SIRT3: variants seen among roughly 807,000 people sequenced by gnomAD.
SIRT3 encodes the protein sirtuin 3.
A neutral mutation model predicts 33.5 loss-of-function variants in SIRT3; 26 were observed. The ratio of observed to expected loss-of-function variants is 0.78; its 90% CI spans 0.57 to 1.08. The LOEUF (loss-of-function observed/expected upper bound fraction) is 1.08, where lower values mean the gene tolerates loss of function less well. Among genes scored for constraint, SIRT3 ranks in the 50% least tolerant of loss-of-function variants. The probability of loss-of-function intolerance (pLI) is 0.00; values close to 1 mark genes in which losing one functional copy is unlikely to be tolerated. For synonymous variants in SIRT3, 237 were observed against 222.1 expected (o/e 1.07, Z -0.60); for missense variants, 585 against 530.1 (o/e 1.10, Z -1.02).
In SIRT3 at chr11:215,484, A is replaced by G. The variant is rs1590082881; in HGVS notation, c.*1214T>C. The stretch of plus-strand genomic sequence containing the variant: ...ATTCAACAGTTTTCCTAGGTCACCA[A>G]TTCCACCTTTTGTTCTTATTAAGGC... On this transcript the variant is annotated 3_prime_UTR_variant, in exon 7 of 7. Transcript: ENST00000382743. 1 of 152,214 alleles carries G rather than the reference A, an allele frequency of 6.6e-6. No individual in the cohort carries two copies. The highest frequency in any genetic ancestry group is 2.4e-5 in the African/African-American group (1 of 41,458). 9.4% of individuals were successfully genotyped at this position (152,214 alleles called of 1,614,324 possible).
intron 1 of SIRT3, chr11:234,014 G>C (rs1321052215): frequency 6.5e-6 from 1 of 154,202 alleles, no homozygotes; most frequent in Non-Finnish European, 1.4e-5. Flanking sequence ...ACTGTTAAGA[G>C]AAGCACAAAA....
At chr11:229,005 G>C (rs1857531244) in intron 4 of SIRT3, among the ~76,000 whole-genome samples, 1 of 152,220 alleles carries the variant, frequency 6.6e-6, no homozygotes. Context: ...GCCAATCAGT[G>C]CTACAGTGGG....
At chr11:225,692 G>C (rs1433307275) in intron 4 of SIRT3, 2 of 152,370 alleles carry the variant, frequency 1.3e-5, no homozygotes, top group East Asian at 3.9e-4. Flanking sequence ...AGCACAAGAA[G>C]CAGCAATTAC....
At chr11:227,590 C>A (rs1245985367) in intron 4 of SIRT3, among the ~76,000 whole-genome samples, 4 of 152,016 alleles carry the variant, frequency 2.6e-5, no homozygotes, top group African/African-American at 9.7e-5. Context: ...TTAACATCAA[C>A]CTGTTGCCCA....
intron 4 of SIRT3, among the ~76,000 whole-genome samples, chr11:224,657 C>G (rs1216147097): frequency 6.6e-6 from 1 of 152,166 alleles, no homozygotes; most frequent in African/African-American, 2.4e-5. Context: ...AAAGGTGAAA[C>G]TGTCTCTGGT....
Position 219,020 on chromosome 11 carries a change from T to C in SIRT3, c.991A>G (p.Thr331Ala). 6.2e-7 allele frequency: 1 copy of C among 1,613,342 alleles called. No individual in the cohort carries two copies. The highest frequency in any genetic ancestry group is 8.5e-7 in the Non-Finnish European group (1 of 1,179,800). The stretch of plus-strand genomic sequence containing the variant: ...GGAACTGAGCTCCGCACGGCCTCGG[T>C]CAAGCTGGCAAAAGGCTCCACCTGA... ...SLEVEPFASL[T>A]EAVRSSVPRL... Residue 331 changes from threonine (T) to alanine (A), a missense_variant, in exon 6 of 7, where the codon ACC becomes GCC. Physicochemically the swap from Thr to Ala is moderately conservative, Grantham distance 58 (BLOSUM62 0). Coordinates refer to ENST00000382743, the MANE Select transcript of SIRT3 (RefSeq NM_012239.6).
chr11:222,915 G>C (rs1407840678), intron 5 of SIRT3: 2 of 152,266 alleles, frequency 1.3e-5, no homozygotes, highest in Non-Finnish European at 2.9e-5. Flanking sequence ...AACCCTTCTA[G>C]CCTTTCTATC....
At chr11:228,539 C>T (rs1011212674) in intron 4 of SIRT3, among the ~76,000 whole-genome samples, 1 of 152,146 alleles carries the variant, frequency 6.6e-6, no homozygotes. Context: ...ACAAATGGTG[C>T]TGGAACAATT....
chr11:220,940 G>A (rs1209922297), intron 5 of SIRT3, among the ~76,000 whole-genome samples: 1 of 104,344 alleles, frequency 9.6e-6, no homozygotes, highest in Non-Finnish European at 1.9e-5. Flanking sequence ...CCCTTCAGGA[G>A]TACTTGCATG....
chr11:231,971 T>C (rs75003074), intron 3 of SIRT3, among the ~76,000 whole-genome samples: 7 of 151,918 alleles, frequency 4.6e-5, no homozygotes, highest in Admixed American at 3.9e-4. Flanking sequence ...GGCCAGAAGT[T>C]GGCACAACCT....
intron 4 of SIRT3, among the ~76,000 whole-genome samples, chr11:224,542 G>A (rs1407976478): frequency 1.3e-5 from 2 of 152,200 alleles, no homozygotes; most frequent in Non-Finnish European, 2.9e-5. Flanking sequence ...TCCCTGGGAT[G>A]GCAGCCAGAG....
rs1179862113 is a variant in SIRT3, at chr11:226,470, A to G, written c.808-2231T>C. ...GTCACCCAGGCTGGAGTGCAGTGGC[A>G]TGATCTCGGTTCACTACAACTTCTG... On this transcript the variant is annotated intron_variant, in intron 4 of 6. Transcript: ENST00000382743. 2.0e-5 allele frequency among the ~76,000 whole-genome samples: 3 copies of G among 151,340 alleles called. No homozygotes were observed. The East Asian group carries it at 5.9e-4, about 30-fold the overall frequency.
chr11:218,681 G>A (rs1217911716), intron 6 of SIRT3, 151 bp downstream of exon 6: 1 of 1,387,804 alleles, frequency 7.2e-7, no homozygotes. Context: ...GTAACACCCA[G>A]TCAGGTCCAG....
intron 5 of SIRT3, among the ~76,000 whole-genome samples, chr11:219,538 A>G (rs4758633): frequency 0.63 from 95,868 of 151,962 alleles, 31,602 homozygotes; most frequent in African/African-American, 0.83. Context: ...GGTCTTCCCC[A>G]CCCAGCCTCT....
intron 4 of SIRT3, among the ~76,000 whole-genome samples, chr11:227,414 G>C (rs1261943474): frequency 1.3e-5 from 2 of 151,058 alleles, no homozygotes; most frequent in African/African-American, 4.9e-5. Flanking sequence ...CTCCAGCCTG[G>C]GCAACAGAGC....
intron 4 of SIRT3, among the ~76,000 whole-genome samples, chr11:224,533 C>G (rs1856895114): frequency 6.6e-6 from 1 of 152,226 alleles, no homozygotes; most frequent in Non-Finnish European, 1.5e-5. Context: ...CATGCTCTAT[C>G]CCTGGGATGG....
At chr11:233,738 AC>A (rs1858451484) in intron 1 of SIRT3, 1 of 568,662 alleles carries the variant, frequency 1.8e-6, no homozygotes, top group South Asian at 2.3e-5. Context: ...ATCAAGACTT[AC>A]TTGGGAGCAA....
chr11:235,795 G>A (rs948087248), intron 1 of SIRT3, among the ~76,000 whole-genome samples: 1 of 152,168 alleles, frequency 6.6e-6, no homozygotes, highest in African/African-American at 2.4e-5. Flanking sequence ...ACAGTGAGGT[G>A]CCAACAAGGT....
intron 4 of SIRT3, among the ~76,000 whole-genome samples, chr11:228,395 A>G (rs1346883613): frequency 6.6e-6 from 1 of 152,248 alleles, no homozygotes; most frequent in Non-Finnish European, 1.5e-5. Context: ...ACAAAGCTAC[A>G]GTAACCAAAA....
Sources: allele counts gnomAD v4.1 joint callset (sites outside exome capture counted in the v4.1 genomes callset), GRCh38; gene constraint gnomAD v4.1.1; transcripts MANE v1.5; gene names NCBI Gene and HGNC (gene_info 2026-07-23, HGNC 2026-07-21).